Variants in UBE2E1 observed in about 807,000 individuals in gnomAD.
UBE2E1 encodes the protein ubiquitin conjugating enzyme E2 E1.
UBE2E1 carries 6 observed loss-of-function variants against 21.4 expected under a neutral mutation model. That is an observed-to-expected ratio of 0.28 (90% CI 0.15 to 0.55). UBE2E1 has a LOEUF of 0.55. Ranked by LOEUF, UBE2E1 falls within the 20% of genes least tolerant of loss-of-function variation. The pLI, the probability that UBE2E1 is intolerant of heterozygous loss-of-function variation, is 0.93. For missense variants in UBE2E1, 142 were observed against 236.5 expected, an observed-to-expected ratio of 0.60 and a Z score of 2.62; for synonymous variants, 87 against 82.7, an observed-to-expected ratio of 1.05 and a Z score of -0.28.
intron 3 of UBE2E1, among the ~76,000 whole-genome samples, chr3:23,825,768 G>A (rs920313446): frequency 4.6e-5 from 7 of 152,200 alleles, no homozygotes; most frequent in African/African-American, 1.7e-4. Context: ...AGGAAATGAG[G>A]TAGGCAGGGG....
At chr3:23,888,623 GAAA>G (rs1322446660) in intron 4 of UBE2E1, among the ~76,000 whole-genome samples, 1 of 152,158 alleles carries the variant, frequency 6.6e-6, no homozygotes, top group African/African-American at 2.4e-5. Context: ...GTAACGGTCA[GAAA>G]AAAGCAGAAA....
intron 3 of UBE2E1, among the ~76,000 whole-genome samples, chr3:23,865,224 C>T (rs543175043): frequency 6.6e-6 from 1 of 152,212 alleles, no homozygotes; most frequent in Non-Finnish European, 1.5e-5. Context: ...CAGTTCCTTG[C>T]AGCTATGGGA....
At chr3:23,883,013 A>G (rs1701090200) in intron 3 of UBE2E1, among the ~76,000 whole-genome samples, 1 of 152,196 alleles carries the variant, frequency 6.6e-6, no homozygotes, top group African/African-American at 2.4e-5. Context: ...AGGGCTCCTC[A>G]AGCGCGGCCA....
At chr3:23,861,494 G>T (rs1453683883) in intron 3 of UBE2E1, among the ~76,000 whole-genome samples, 1 of 152,180 alleles carries the variant, frequency 6.6e-6, no homozygotes, top group Non-Finnish European at 1.5e-5. Context: ...ACAGACCTAG[G>T]TGAAGACAGG....
intron 3 of UBE2E1, among the ~76,000 whole-genome samples, chr3:23,826,606 T>G (rs1001274936): frequency 4.6e-5 from 7 of 152,216 alleles, no homozygotes; most frequent in Non-Finnish European, 8.8e-5. Flanking sequence ...ATCTGTGATA[T>G]CTAAAAGATT....
chr3:23,826,217 T>C (rs1699756994), intron 3 of UBE2E1, among the ~76,000 whole-genome samples: 1 of 152,238 alleles, frequency 6.6e-6, no homozygotes, highest in Non-Finnish European at 1.5e-5. Context: ...TTAGACATTT[T>C]GCAAAAACTG....
At chr3:23,867,123 TTTC>T (rs1302745097) in intron 3 of UBE2E1, among the ~76,000 whole-genome samples, 13 of 152,134 alleles carry the variant, frequency 8.5e-5, no homozygotes, top group Admixed American at 1.3e-4. Context: ...TTTGTATTAC[TTTC>T]TTCTTGTCTT....
At chr3:23,832,905 G>A (rs1229054238) in intron 3 of UBE2E1, among the ~76,000 whole-genome samples, 3 of 151,992 alleles carry the variant, frequency 2.0e-5, no homozygotes, top group Non-Finnish European at 4.4e-5. Context: ...GTGTGGTGGT[G>A]TGCCTGTCAT....
rs575293485 is a variant in UBE2E1, at chr3:23,867,260, T to C, written c.204-20307T>C. Reference sequence around the variant, plus strand: ...GTTTGTGAAGGAACTTTGAAAATTATATATTTCTCTGCAATTGTGTTAGGG... The same window carrying C: ...GTTTGTGAAGGAACTTTGAAAATTACATATTTCTCTGCAATTGTGTTAGGG... On this transcript the variant is annotated intron_variant, in intron 3 of 5. Transcript: ENST00000306627. Among the ~76,000 whole-genome samples, 5 of 152,346 alleles carry C rather than the reference T, an allele frequency of 3.3e-5. No individual in the cohort carries two copies. The South Asian group carries it at 1.0e-3, about 32-fold the overall frequency.
rs369708162 is a variant in UBE2E1 at position 23,866,148 on chromosome 3, C to T, written c.204-21419C>T. On this transcript the variant is annotated intron_variant, in intron 3 of 5. Coordinates refer to ENST00000306627, the MANE Select transcript of UBE2E1 (RefSeq NM_003341.5). ...ATAAACAGCCTTCCTCTTGTCTCTC[C>T]AGGCCAGCCGGGGCCAAGAAAGAAG... 2.6e-5 allele frequency: 4 copies of T among 152,602 alleles called. No homozygotes were observed. In the East Asian group the frequency reaches 5.8e-4, roughly 22 times the overall value. The allele number at this position is 152,602 out of a possible 1,614,324, so 9.5% of individuals were successfully genotyped here. A position where few individuals can be genotyped will look rare whatever the true frequency, so the allele number is the denominator to read the frequency against.
Position 23,842,240 on chromosome 3 carries a change from TGTGTGTGTG to T in UBE2E1, c.203+30735_203+30743del, listed in dbSNP as rs1158139643. Among the ~76,000 whole-genome samples the T allele has an allele frequency of 2.4e-3, 175 of 72,266 alleles. 2 individuals carry two copies. The South Asian group carries it at 0.035, about 15-fold the overall frequency. 47.4% of individuals were successfully genotyped at this position (72,266 alleles called of 152,430 possible). On this transcript the variant is annotated intron_variant, in intron 3 of 5. Coordinates refer to ENST00000306627, the MANE Select transcript of UBE2E1 (RefSeq NM_003341.5). The surrounding 1 kb of genome is among the most constrained non-coding windows in gnomAD (Gnocchi z 4.6). ...GTGTGTGTGTGTGTGTGTGTGTGTG[TGTGTGTGTG>T]GTGTTGTTGTTGTTGGCGACAGGGT...
At chr3:23,877,654 T>C (rs1241659407) in intron 3 of UBE2E1, among the ~76,000 whole-genome samples, 2 of 152,070 alleles carry the variant, frequency 1.3e-5, no homozygotes, top group African/African-American at 2.4e-5. Flanking sequence ...TGTTGAAATA[T>C]GGGTGTTTGG....
At chr3:23,827,858 A>C (rs1699790662) in intron 3 of UBE2E1, among the ~76,000 whole-genome samples, 1 of 152,172 alleles carries the variant, frequency 6.6e-6, no homozygotes, top group Admixed American at 6.5e-5. Context: ...CCAAAATCTT[A>C]TGTAGTATTC....
At chr3:23,884,175 T>C (rs1232404101) in intron 3 of UBE2E1, among the ~76,000 whole-genome samples, 1 of 152,020 alleles carries the variant, frequency 6.6e-6, no homozygotes, top group East Asian at 1.9e-4. Flanking sequence ...ATTTCTTTTC[T>C]GTTTTGTCTA....
At chr3:23,851,029 C>A (rs186116503) in intron 3 of UBE2E1, among the ~76,000 whole-genome samples, 1 of 151,902 alleles carries the variant, frequency 6.6e-6, no homozygotes, top group South Asian at 2.1e-4. Context: ...TTTAGTTTTT[C>A]GATTTGGATC....
chr3:23,833,470 G>A (rs1191894818), intron 3 of UBE2E1, among the ~76,000 whole-genome samples: 2 of 152,158 alleles, frequency 1.3e-5, no homozygotes, highest in Admixed American at 1.3e-4. Context: ...TATTAATAGA[G>A]TCAGGTTGGA....
At chr3:23,807,173 G>T in intron 1 of UBE2E1, 64 bp from the exon 2 acceptor site, 1 of 1,393,880 alleles carries the variant, frequency 7.2e-7, no homozygotes, top group Non-Finnish European at 9.5e-7. Flanking sequence ...GACAGCACCC[G>T]AGTTCCTTAT....
At chr3:23,888,992 A>T in intron 4 of UBE2E1, 120 bp from the exon 5 acceptor site, 1 of 992,142 alleles carries the variant, frequency 1.0e-6, no homozygotes, top group Non-Finnish European at 1.4e-6. Flanking sequence ...TTTATTGTCT[A>T]TCTTCTTGAC....
chr3:23,891,322 G>GTGTTCATTTAC lies in UBE2E1; in HGVS notation c.*718_*728dup, dbSNP rs1446271122. 3 of 152,182 alleles carry GTGTTCATTTAC rather than the reference G, an allele frequency of 2.0e-5. No homozygotes were observed. In the East Asian group the frequency reaches 5.8e-4, roughly 29 times the overall value. 9.4% of individuals were successfully genotyped at this position (152,182 alleles called of 1,614,324 possible). On this transcript the variant is annotated 3_prime_UTR_variant, in exon 6 of 6. Coordinates refer to ENST00000306627, the MANE Select transcript of UBE2E1 (RefSeq NM_003341.5). ...TAAAAACCACCTAATAAACACTGCT[G>GTGTTCATTTAC]TGTTCATTTACTTTTCTTTTGCCTT...
Sources: allele counts gnomAD v4.1 joint callset (sites outside exome capture counted in the v4.1 genomes callset), GRCh38; gene constraint gnomAD v4.1.1; non-coding constraint Gnocchi (gnomAD v3.1); transcripts MANE v1.5; gene names NCBI Gene and HGNC (gene_info 2026-07-23, HGNC 2026-07-21).